QRSL1: variants seen among roughly 807,000 people sequenced by gnomAD.
The protein encoded by QRSL1 is glutaminyl-tRNA amidotransferase subunit QRSL1.
Under a neutral mutation model 61.6 loss-of-function variants are expected in QRSL1, and 54 were observed. The ratio of observed to expected loss-of-function variants is 0.88; its 90% CI spans 0.70 to 1.10. The LOEUF is 1.10. Ranked by LOEUF, QRSL1 falls within the 50% of genes least tolerant of loss-of-function variation. The pLI, the probability that QRSL1 is intolerant of heterozygous loss-of-function variation, is 0.00. For synonymous variants in QRSL1, 228 were observed against 225.7 expected (o/e 1.01, Z -0.09); for missense variants, 505 against 622.6 (o/e 0.81, Z 2.01).
chr6:106,640,775 T>A, intron 2 of QRSL1, 48 bp from the exon 3 acceptor site: 2 of 1,479,902 alleles, frequency 1.4e-6, no homozygotes, highest in Non-Finnish European at 1.9e-6. Context: ...CATGTATCTT[T>A]ATATTTTAAA....
At position 106,665,950 on chromosome 6, in the gene QRSL1, G is replaced by A; in HGVS notation, c.1535G>A (p.Cys512Tyr). 6.2e-7 allele frequency: 1 copy of A among 1,613,988 alleles called. No homozygotes were observed. The highest frequency in any genetic ancestry group is 8.5e-7 in the Non-Finnish European group (1 of 1,179,864). The stretch of plus-strand genomic sequence containing the variant: ...CAACTTCAAGAACTCATGGATGATT[G>A]TTCAGCAGTCCTTGAAAATGAAAAG... The part of the protein sequence containing the change: ...VIQLQELMDD[C>Y]SAVLENEKLA... The change falls in exon 11 of 11, where the codon TGT becomes TAT. Residue 512 changes from cysteine to tyrosine, a missense_variant. Coordinates refer to ENST00000369046, the MANE Select transcript of QRSL1 (RefSeq NM_018292.5).
chr6:106,660,491 C>T (rs943562479), intron 9 of QRSL1, among the ~76,000 whole-genome samples: 1 of 152,270 alleles, frequency 6.6e-6, no homozygotes, highest in Middle Eastern at 3.4e-3. Context: ...TCATTTGTTT[C>T]TCTTCTCTCA....
In QRSL1 at chr6:106,667,749, T is replaced by A. The variant is rs1777464695; in HGVS notation, c.*1747T>A. 1.3e-5 allele frequency: 2 copies of A among 152,142 alleles called. No homozygotes were observed. Among genetic ancestry groups the A allele is most frequent in the Admixed American group, 1.3e-4 (2 of 15,270 alleles). The allele number at this position is 152,142 out of a possible 1,614,324, so 9.4% of individuals were successfully genotyped here. Reference sequence around the variant, plus strand: ...GGCTTAGTAATATTCCTATAGATTTTGACTCTGAATCCCTGAAAGAGGAAG... The same window carrying A: ...GGCTTAGTAATATTCCTATAGATTTAGACTCTGAATCCCTGAAAGAGGAAG... On this transcript the variant is annotated 3_prime_UTR_variant, in exon 11 of 11. Transcript: ENST00000369046.
At position 106,652,032 on chromosome 6, in the gene QRSL1, A is replaced by G. The variant is rs1213498274; in HGVS notation, c.558-177A>G. Among the ~76,000 whole-genome samples, 4 of 152,218 alleles carry G rather than the reference A, an allele frequency of 2.6e-5. No homozygotes were observed. In the East Asian group the frequency reaches 7.7e-4, roughly 29 times the overall value. On this transcript the variant is annotated intron_variant, in intron 5 of 10. Coordinates refer to ENST00000369046, the MANE Select transcript of QRSL1 (RefSeq NM_018292.5). ...ATGTTAACAGTGTTTTCCTCTGGGT[A>G]TTGGAATATTGAGTACCTAAAGTTT...
intron 4 of QRSL1, among the ~76,000 whole-genome samples, chr6:106,647,954 T>C (rs1231158527): frequency 1.3e-5 from 2 of 149,560 alleles, no homozygotes; most frequent in Non-Finnish European, 3.0e-5. Context: ...CCAGCCAAAG[T>C]ACATTATTGA....
intron 9 of QRSL1, among the ~76,000 whole-genome samples, chr6:106,660,412 C>T (rs924596598): frequency 1.3e-5 from 2 of 151,010 alleles, no homozygotes; most frequent in Non-Finnish European, 2.9e-5. Flanking sequence ...GTCTCAAGCT[C>T]CTGGGCTCAA....
intron 1 of QRSL1, among the ~76,000 whole-genome samples, chr6:106,636,346 G>A (rs1776920446): frequency 6.7e-6 from 1 of 148,352 alleles, no homozygotes; most frequent in African/African-American, 2.5e-5. Context: ...TTTTAAGACG[G>A]AGTCTCGCTC....
intron 7 of QRSL1, chr6:106,653,935 T>C (rs1777224342): frequency 6.6e-6 from 1 of 152,200 alleles, no homozygotes. Flanking sequence ...ACCCTCTACT[T>C]ACCTGCTATT....
intron 3 of QRSL1, among the ~76,000 whole-genome samples, chr6:106,641,544 A>T (rs12660628): frequency 0.084 from 12,781 of 152,242 alleles, 735 homozygotes; most frequent in East Asian, 0.28. Flanking sequence ...TTATCAAGAT[A>T]TTTGGATCCT....
chr6:106,643,114 T>C, intron 4 of QRSL1, 24 bp downstream of exon 4: 1 of 1,476,572 alleles, frequency 6.8e-7, no homozygotes, highest in Non-Finnish European at 9.4e-7. Context: ...AAATCTTCTC[T>C]TGAGTTTCTT....
At chr6:106,649,739 G>A (rs778194731) in intron 5 of QRSL1, among the ~76,000 whole-genome samples, 1 of 152,116 alleles carries the variant, frequency 6.6e-6, no homozygotes, top group Non-Finnish European at 1.5e-5. Context: ...TTTCAAGCTT[G>A]TTAGGTGCTG....
chr6:106,654,635 C>T (rs1777239477), intron 7 of QRSL1, 95 bp from the exon 8 acceptor site: 3 of 1,120,850 alleles, frequency 2.7e-6, no homozygotes, highest in East Asian at 5.2e-5. Context: ...TCCTGAAGTA[C>T]AGATTTTTAT....
At chr6:106,639,363 A>T (rs1200739585) in intron 1 of QRSL1, among the ~76,000 whole-genome samples, 1 of 151,798 alleles carries the variant, frequency 6.6e-6, no homozygotes. Flanking sequence ...TGACCTTGTG[A>T]TCTACCCGCC....
rs1355751253 is a variant in QRSL1, at chr6:106,652,523, A to T, written c.790A>T (p.Lys264Ter). 2 of 1,614,218 alleles carry T rather than the reference A, an allele frequency of 1.2e-6. No homozygotes were observed. ...DSTTVHEPIN[K>*]PFMLPSLADV... ...TACCACAGTACATGAACCTATTAAT[A>T]AACCATTCATGCTTCCCAGTTTGGC... is the stretch of plus-strand genomic sequence containing the variant. The change falls in exon 7 of 11, where the codon AAA (lysine) becomes TAA (stop). Residue 264 changes from lysine to a stop codon, truncating the protein, a stop_gained. Transcript: ENST00000369046. LOFTEE classifies it high-confidence loss of function.
In QRSL1 at chr6:106,662,830, A is replaced by G; in HGVS notation, c.1161-150A>G. 4.6e-6 allele frequency: 3 copies of G among 657,664 alleles called. No homozygotes were observed. The South Asian group carries it at 5.8e-5, about 13-fold the overall frequency. The allele number at this position is 657,664 out of a possible 1,614,324, so 40.7% of individuals were successfully genotyped here. A position where few individuals can be genotyped will look rare whatever the true frequency, so the allele number is the denominator to read the frequency against. ...GCCCCACCACTGGGGAGCCAGGGGG[A>G]AGGGAATGGGCATTACACAGGCAAG... On this transcript the variant is annotated intron_variant, in intron 9 of 10. Transcript: ENST00000369046.
rs543131415 is a variant in QRSL1, at chr6:106,647,319, G to A, written c.381-1706G>A. Among the ~76,000 whole-genome samples the A allele has an allele frequency of 3.1e-3, 471 of 151,994 alleles. 6 individuals carry two copies. Among genetic ancestry groups the A allele is most frequent in the African/African-American group, 0.011 (450 of 41,502 alleles). ...AACACATGAAACAATGCTTAATATCGTTGATCATTAGTGGAATTCAAAATT... is the reference window on the plus strand; with the variant it reads ...AACACATGAAACAATGCTTAATATCATTGATCATTAGTGGAATTCAAAATT... On this transcript the variant is annotated intron_variant, in intron 4 of 10. Coordinates refer to ENST00000369046, the MANE Select transcript of QRSL1 (RefSeq NM_018292.5).
chr6:106,652,752 T>C, intron 7 of QRSL1, 170 bp downstream of exon 7: 1 of 1,518,306 alleles, frequency 6.6e-7, no homozygotes, highest in South Asian at 1.3e-5. Flanking sequence ...ATCTGTAAAA[T>C]AGGAATAATA....
At chr6:106,629,835 A>G in intron 1 of QRSL1, 130 bp downstream of exon 1, 1 of 1,119,208 alleles carries the variant, frequency 8.9e-7, no homozygotes. Context: ...TGAGTGGGGG[A>G]TAAGTACCTT....
chr6:106,663,248 A>C (rs1183368261), intron 10 of QRSL1, 63 bp downstream of exon 10: 1 of 1,502,472 alleles, frequency 6.7e-7, no homozygotes, highest in Admixed American at 1.7e-5. Flanking sequence ...CCTGGTCTTC[A>C]ACTTAAGATT....
Sources: gnomAD v4.1 joint callset for allele counts (sites outside exome capture counted in the v4.1 genomes callset) on GRCh38, gnomAD v4.1.1 for gene constraint, MANE v1.5 for transcripts, NCBI Gene and HGNC (gene_info 2026-07-23, HGNC 2026-07-21) for gene names.